ELP3: variants seen among roughly 807,000 people sequenced by gnomAD.
ELP3 encodes elongator complex protein 3.
In ELP3, 56 loss-of-function variants were observed where a neutral mutation model predicts 74.9. That is an observed-to-expected ratio of 0.75 (90% CI 0.60 to 0.93). ELP3 has a LOEUF of 0.93. Among genes scored for constraint, ELP3 ranks in the 40% least tolerant of loss-of-function variants. The pLI, the probability that ELP3 is intolerant of heterozygous loss-of-function variation, is 0.00. For synonymous variants in ELP3, 222 were observed against 239.8 expected (o/e 0.93, Z 0.68); for missense variants, 573 against 686.5 (o/e 0.83, Z 1.85).
At position 28,172,243 on chromosome 8, in the gene ELP3, A is replaced by G. The variant is rs146347371; in HGVS notation, c.1567+10165A>G. 9.4e-3 allele frequency among the ~76,000 whole-genome samples: 1,430 copies of G among 152,190 alleles called. 25 individuals carry two copies. The highest frequency in any genetic ancestry group is 0.032 in the African/African-American group (1,327 of 41,548). On this transcript the variant is annotated intron_variant, in intron 14 of 14. Transcript: ENST00000256398. ...GAATCTTTATATGGCTTTGGGTGGT[A>G]TCATCATCTTAACAATGTTAAGTCT...
chr8:28,104,648 C>T (rs765027436), intron 3 of ELP3, among the ~76,000 whole-genome samples: 15 of 152,228 alleles, frequency 9.9e-5, no homozygotes, highest in Non-Finnish European at 1.8e-4. Flanking sequence ...GCTGTTTTCT[C>T]ATCATGAGAT....
chr8:28,101,942 ACTTAGCAAC>A (rs1811507098), intron 3 of ELP3, among the ~76,000 whole-genome samples: 1 of 152,030 alleles, frequency 6.6e-6, no homozygotes, highest in Non-Finnish European at 1.5e-5. Context: ...GAAGACAGAA[ACTTAGCAAC>A]CTTTCAGCCT....
chr8:28,096,740 T>C (rs2130342589), intron 1 of ELP3, among the ~76,000 whole-genome samples: 1 of 152,372 alleles, frequency 6.6e-6, no homozygotes, highest in African/African-American at 2.4e-5. Flanking sequence ...ACTTTACTCC[T>C]TGATAGCATC....
chr8:28,135,027 C>T (rs1390177059), intron 9 of ELP3, among the ~76,000 whole-genome samples: 1 of 151,966 alleles, frequency 6.6e-6, no homozygotes, highest in Non-Finnish European at 1.5e-5. Flanking sequence ...CTCCCGGGTT[C>T]AAGCAATTCT....
intron 14 of ELP3, among the ~76,000 whole-genome samples, chr8:28,181,996 C>A (rs1815029686): frequency 6.6e-6 from 1 of 152,164 alleles, no homozygotes; most frequent in South Asian, 2.1e-4. Flanking sequence ...GAGTTAGAAT[C>A]ACAAGCTAGG....
chr8:28,106,581 G>A (rs963184491), intron 3 of ELP3, 132 bp from the exon 4 acceptor site: 57 of 456,154 alleles, frequency 1.2e-4, no homozygotes, highest in African/African-American at 9.8e-4. Flanking sequence ...ATACAGCCTC[G>A]TCAATACCTT....
chr8:28,100,832 A>G (rs534903688), intron 3 of ELP3, among the ~76,000 whole-genome samples: 1 of 152,328 alleles, frequency 6.6e-6, no homozygotes, highest in East Asian at 1.9e-4. Context: ...ATGAAAAAAG[A>G]TGAGTGTGAG....
intron 14 of ELP3, among the ~76,000 whole-genome samples, chr8:28,172,654 A>C (rs546872103): frequency 1.3e-5 from 2 of 152,110 alleles, no homozygotes; most frequent in South Asian, 4.1e-4. Context: ...ATTCTTGCCT[A>C]ATTCCTCTGG....
chr8:28,188,191 G>A (rs1047161376), intron 14 of ELP3, among the ~76,000 whole-genome samples: 1 of 152,208 alleles, frequency 6.6e-6, no homozygotes, highest in Non-Finnish European at 1.5e-5. Context: ...CGGGCTGTTT[G>A]AGGAATGCGT....
chr8:28,127,893 T>G (rs899645777), intron 7 of ELP3, among the ~76,000 whole-genome samples: 7 of 152,216 alleles, frequency 4.6e-5, no homozygotes, highest in African/African-American at 1.7e-4. Flanking sequence ...AATGAAAGAT[T>G]TGAGAATTTG....
At chr8:28,180,858 C>T (rs764049196) in intron 14 of ELP3, among the ~76,000 whole-genome samples, 9 of 152,156 alleles carry the variant, frequency 5.9e-5, no homozygotes, top group Non-Finnish European at 1.3e-4. Flanking sequence ...CCTGTCTGTG[C>T]CAGGCTCTGA....
chr8:28,187,320 G>T (rs898137279), intron 14 of ELP3, among the ~76,000 whole-genome samples: 1 of 152,154 alleles, frequency 6.6e-6, no homozygotes, highest in Non-Finnish European at 1.5e-5. Flanking sequence ...TATCCATTCA[G>T]TGAGCAAATA....
At chr8:28,098,122 C>G (rs993676295) in intron 2 of ELP3, among the ~76,000 whole-genome samples, 15 of 152,140 alleles carry the variant, frequency 9.9e-5, no homozygotes, top group South Asian at 8.3e-4. Context: ...TTGACACATT[C>G]ATCCACTTCC....
intron 14 of ELP3, among the ~76,000 whole-genome samples, chr8:28,170,253 G>T (rs189847798): frequency 6.6e-6 from 1 of 152,204 alleles, no homozygotes; most frequent in African/African-American, 2.4e-5. Flanking sequence ...GCTGTCAGCC[G>T]TAGTGGTGGA....
At chr8:28,098,280 G>C (rs1056126784) in intron 2 of ELP3, among the ~76,000 whole-genome samples, 1 of 151,702 alleles carries the variant, frequency 6.6e-6, no homozygotes. Flanking sequence ...CCCAACCCCA[G>C]GTCGTCTAAT....
intron 10 of ELP3, among the ~76,000 whole-genome samples, chr8:28,139,266 TCAG>T (rs1301528684): frequency 1.3e-5 from 2 of 151,986 alleles, no homozygotes; most frequent in East Asian, 3.9e-4. Flanking sequence ...GTTGATCTAA[TCAG>T]CAGATATATT....
In ELP3 at chr8:28,099,900, CCCT is replaced by C. The variant is rs772942269; in HGVS notation, c.197_199del (p.Pro66del). The C allele has an allele frequency of 7.4e-6, 12 of 1,614,084 alleles. No homozygotes were observed. ...GCCTGGTGGATATCATTGCTGCCGT[CCCT>C]CCTCAGTATCGCAAGGTCTTGATGC... On this transcript the variant is annotated inframe_deletion, in exon 3 of 15. Coordinates refer to ENST00000256398, the MANE Select transcript of ELP3 (RefSeq NM_018091.6).
At chr8:28,178,878 A>T (rs1284314603) in intron 14 of ELP3, among the ~76,000 whole-genome samples, 1 of 152,276 alleles carries the variant, frequency 6.6e-6, no homozygotes, top group Non-Finnish European at 1.5e-5. Flanking sequence ...TCATGTGTTT[A>T]CTGGCCATTT....
chr8:28,133,701 A>G (rs1301511254), intron 9 of ELP3, among the ~76,000 whole-genome samples: 1 of 152,170 alleles, frequency 6.6e-6, no homozygotes, highest in African/African-American at 2.4e-5. Flanking sequence ...AATGCAGTTT[A>G]CCATGTCTTA....
Sources: gnomAD v4.1 joint callset for allele counts (sites outside exome capture counted in the v4.1 genomes callset) on GRCh38, gnomAD v4.1.1 for gene constraint, MANE v1.5 for transcripts, NCBI Gene and HGNC (gene_info 2026-07-23, HGNC 2026-07-21) for gene names.